PRKCA: variants seen among roughly 807,000 people sequenced by gnomAD.
PRKCA encodes protein kinase C alpha type.
Under a neutral mutation model 87.0 loss-of-function variants are expected in PRKCA, and 27 were observed. The ratio of observed to expected loss-of-function variants is 0.31; its 90% CI spans 0.23 to 0.43. PRKCA has a LOEUF of 0.43. Ranked by LOEUF, PRKCA falls within the 20% of genes least tolerant of loss-of-function variation. The pLI, the probability that PRKCA is intolerant of heterozygous loss-of-function variation, is 1.00. For missense variants in PRKCA, 518 were observed against 852.3 expected (o/e 0.61, Z 4.88); for synonymous variants, 329 against 311.1 (o/e 1.06, Z -0.61).
chr17:66,310,614 C>G (rs1009232786), intron 2 of PRKCA, among the ~76,000 whole-genome samples: 2 of 152,126 alleles, frequency 1.3e-5, no homozygotes, highest in East Asian at 3.9e-4. Flanking sequence ...ATTGGCTCAT[C>G]TGAGCAGGGT....
At chr17:66,711,044 A>AAAAT (rs771699887) in intron 8 of PRKCA, among the ~76,000 whole-genome samples, 1 of 152,018 alleles carries the variant, frequency 6.6e-6, no homozygotes, top group Non-Finnish European at 1.5e-5. Context: ...CTCCATCTCA[A>AAAAT]AAATAAATAA....
At chr17:66,507,295 G>A (rs1917022269) in intron 3 of PRKCA, among the ~76,000 whole-genome samples, 1 of 152,148 alleles carries the variant, frequency 6.6e-6, no homozygotes, top group Non-Finnish European at 1.5e-5. Flanking sequence ...TGAGGCTTGA[G>A]GTAGTTAAGT....
At position 66,302,753 on chromosome 17, in the gene PRKCA, G is replaced by C. The variant is rs111497458; in HGVS notation, c.-99G>C. Reference sequence around the variant, plus strand: ...CCACCGGCCCGCGCCCCGCGCCCGGGGTCGCCCCGAGCCCGCACCTCTCCC... The same window carrying C: ...CCACCGGCCCGCGCCCCGCGCCCGGCGTCGCCCCGAGCCCGCACCTCTCCC... On this transcript the variant is annotated 5_prime_UTR_variant, in exon 1 of 17. Transcript: ENST00000413366. 1.0e-6 allele frequency: 1 copy of C among 983,086 alleles called. No individual in the cohort carries two copies. Among genetic ancestry groups the C allele is most frequent in the Non-Finnish European group, 1.3e-6 (1 of 794,732 alleles). The allele number at this position is 983,086 out of a possible 1,614,324, so 60.9% of individuals were successfully genotyped here. A position where few individuals can be genotyped will look rare whatever the true frequency, so the allele number is the denominator to read the frequency against.
chr17:66,575,037 T>C (rs1969192238), intron 3 of PRKCA, among the ~76,000 whole-genome samples: 1 of 152,254 alleles, frequency 6.6e-6, no homozygotes, highest in African/African-American at 2.4e-5. Flanking sequence ...CTCTTTGACA[T>C]ATCTGAATTG....
At chr17:66,362,400 A>C (rs1366716906) in intron 2 of PRKCA, among the ~76,000 whole-genome samples, 1 of 151,392 alleles carries the variant, frequency 6.6e-6, no homozygotes, top group African/African-American at 2.4e-5. Flanking sequence ...AGACTCTCCC[A>C]CTCTTTAGCC....
intron 2 of PRKCA, among the ~76,000 whole-genome samples, chr17:66,489,096 A>C (rs1422733730): frequency 6.6e-6 from 1 of 151,934 alleles, no homozygotes; most frequent in East Asian, 1.9e-4. Context: ...TTTGTATTTA[A>C]AAAAAAGAAT....
intron 3 of PRKCA, among the ~76,000 whole-genome samples, chr17:66,504,949 CT>C (rs1318253730): frequency 6.6e-6 from 1 of 152,156 alleles, no homozygotes; most frequent in Non-Finnish European, 1.5e-5. Context: ...CGGGACCCCC[CT>C]CCCATGAGCC....
chr17:66,494,506 C>T (rs916915331), intron 2 of PRKCA, among the ~76,000 whole-genome samples: 1 of 152,114 alleles, frequency 6.6e-6, no homozygotes, highest in African/African-American at 2.4e-5. Flanking sequence ...TTAATTCTAC[C>T]CCTGAGGGCA....
chr17:66,721,101 G>A (rs1262991713), intron 8 of PRKCA, among the ~76,000 whole-genome samples: 1 of 152,068 alleles, frequency 6.6e-6, no homozygotes, highest in East Asian at 1.9e-4. Flanking sequence ...AGAAAGTAAA[G>A]GAATAAAAGA....
intron 1 of PRKCA, 112 bp downstream of exon 1, chr17:66,303,136 G>C (rs1001694183): frequency 8.1e-5 from 114 of 1,406,224 alleles, no homozygotes; most frequent in Non-Finnish European, 1.0e-4. Context: ...ACTTGGAACC[G>C]GCGGGAGTCC....
intron 5 of PRKCA, among the ~76,000 whole-genome samples, chr17:66,660,091 G>A (rs112326450): frequency 1.3e-4 from 20 of 151,796 alleles, no homozygotes; most frequent in East Asian, 3.9e-4. Context: ...TTAAGGAGGC[G>A]AAGCTTTGTC....
rs186592133 is a variant in PRKCA, at chr17:66,484,858, G to C, written c.206-11343G>C. On this transcript the variant is annotated intron_variant, in intron 2 of 16. Transcript: ENST00000413366. ...CACTTGTATAATTTTTTTTAAGTTA[G>C]AGAAATGTAATGTCATACTTTCTCA... Among the ~76,000 whole-genome samples, 358 of 152,162 alleles carry C rather than the reference G, an allele frequency of 2.4e-3. 6 individuals carry two copies. Among genetic ancestry groups the C allele is most frequent in the African/African-American group, 7.7e-3 (320 of 41,504 alleles).
intron 3 of PRKCA, among the ~76,000 whole-genome samples, chr17:66,539,198 C>T (rs1967893178): frequency 6.6e-6 from 1 of 152,020 alleles, no homozygotes; most frequent in African/African-American, 2.4e-5. Context: ...CCCCAGCTGC[C>T]TTTTTTAAAA....
chr17:66,575,504 C>T (rs1347136137), intron 3 of PRKCA, among the ~76,000 whole-genome samples: 12 of 151,954 alleles, frequency 7.9e-5, no homozygotes, highest in East Asian at 1.9e-4. Flanking sequence ...CACTTGAACC[C>T]GGGAGGCGGA....
intron 2 of PRKCA, among the ~76,000 whole-genome samples, chr17:66,489,089 G>A (rs1161391006): frequency 6.6e-6 from 1 of 151,436 alleles, no homozygotes; most frequent in East Asian, 1.9e-4. Context: ...AACCATTTTT[G>A]TATTTAAAAA....
chr17:66,591,853 A>G (rs1969815723), intron 3 of PRKCA, among the ~76,000 whole-genome samples: 1 of 151,894 alleles, frequency 6.6e-6, no homozygotes, highest in Non-Finnish European at 1.5e-5. Context: ...AAACATAACC[A>G]TGTTGAGAGA....
intron 14 of PRKCA, among the ~76,000 whole-genome samples, chr17:66,785,413 GC>G (rs1975357898): frequency 6.6e-6 from 1 of 152,166 alleles, no homozygotes; most frequent in South Asian, 2.1e-4. Flanking sequence ...GCCCGTGTCA[GC>G]CAAAGTGACT....
chr17:66,363,773 G>A (rs1908535975), intron 2 of PRKCA, among the ~76,000 whole-genome samples: 1 of 152,182 alleles, frequency 6.6e-6, no homozygotes, highest in African/African-American at 2.4e-5. Context: ...CACGATCTTG[G>A]CTCACTGCAA....
intron 2 of PRKCA, among the ~76,000 whole-genome samples, chr17:66,461,380 A>G (rs1914847724): frequency 6.6e-6 from 1 of 152,176 alleles, no homozygotes; most frequent in Non-Finnish European, 1.5e-5. Flanking sequence ...AGCATATGTC[A>G]TTGGCACATT....
Sources: gnomAD v4.1 joint callset for allele counts (sites outside exome capture counted in the v4.1 genomes callset) on GRCh38, gnomAD v4.1.1 for gene constraint, MANE v1.5 for transcripts, NCBI Gene and HGNC (gene_info 2026-07-23, HGNC 2026-07-21) for gene names.